STRN4: variants seen among roughly 807,000 people sequenced by gnomAD.
The protein encoded by STRN4 is striatin-4.
In STRN4, 27 loss-of-function variants were observed where a neutral mutation model predicts 77.9. That is an observed-to-expected ratio of 0.35 (90% confidence interval 0.26 to 0.48). The LOEUF is 0.48. Ranked by LOEUF, STRN4 falls within the 20% of genes least tolerant of loss-of-function variation. The probability of loss-of-function intolerance (pLI) is 0.99; values close to 1 mark genes in which losing one functional copy is unlikely to be tolerated. For missense variants in STRN4, 798 were observed against 1,049.7 expected, an observed-to-expected ratio of 0.76 and a Z score of 3.31; for synonymous variants, 466 against 443.1, an observed-to-expected ratio of 1.05 and a Z score of -0.65.
rs71970589 is a variant in STRN4 at position 46,724,249 on chromosome 19, C to CAAAAAAAA, written c.1594+550_1594+557dup. On this transcript the variant is annotated intron_variant, in intron 12 of 17. Coordinates refer to ENST00000263280, the MANE Select transcript of STRN4 (RefSeq NM_013403.3). The stretch of plus-strand genomic sequence containing the variant: ...GGTGACAGAGTGAGACTCTTTGTCT[C>CAAAAAAAA]AAAAAAAAAAAAAAAAAAAAAAAAA... Among the ~76,000 whole-genome samples the CAAAAAAAA allele has an allele frequency of 2.9e-4, 25 of 87,180 alleles. 1 individual carries two copies. The highest frequency in any genetic ancestry group is 6.1e-4 in the African/African-American group (12 of 19,622). 57.2% of individuals were successfully genotyped at this position (87,180 alleles called of 152,430 possible).
Position 46,733,176 on chromosome 19 carries a change from A to G in STRN4, c.600T>C (p.Arg200=). The stretch of plus-strand genomic sequence containing the variant: ...GCTCCAGCGAGCGGCCCAGCAGGGA[A>G]CGGACGCGCTTGGACCGCATGTCGA... ...TILDMRSKRV[R]SLLGRSLELN... is the part of the protein sequence containing the mutation. The change falls in exon 5 of 18, where the codon CGT becomes CGC. Residue 200 remains arginine (R), a synonymous_variant. Transcript: ENST00000263280. This position sits in a 1 kb window ranked among gnomAD's most constrained non-coding sequence, Gnocchi z 4.3. 4 of 1,611,586 alleles carry G rather than the reference A, an allele frequency of 2.5e-6. No individual in the cohort carries two copies. The highest frequency in any genetic ancestry group is 3.4e-6 in the Non-Finnish European group (4 of 1,179,998).
At position 46,730,691 on chromosome 19, in the gene STRN4, C is replaced by T. The variant is rs755893884; in HGVS notation, c.879+41G>A. ...ACTCGGAAGGGCTTCGATCAGGTCA[C>T]ACCCAGGCCAGGCTGTGCAGGGCAT... On this transcript the variant is annotated intron_variant, in intron 6 of 17. Transcript: ENST00000263280. 21 of 1,606,730 alleles carry T rather than the reference C, an allele frequency of 1.3e-5. No homozygotes were observed. In the East Asian group the frequency reaches 4.7e-4, roughly 36 times the overall value.
chr19:46,734,286 C>T (rs1211953347), intron 4 of STRN4, among the ~76,000 whole-genome samples: 1 of 152,198 alleles, frequency 6.6e-6, no homozygotes, highest in African/African-American at 2.4e-5. Flanking sequence ...CAGTGAGGAG[C>T]CAACAGGTGG....
chr19:46,735,509 G>C (rs2054341324), intron 4 of STRN4, among the ~76,000 whole-genome samples: 1 of 151,680 alleles, frequency 6.6e-6, no homozygotes, highest in African/African-American at 2.4e-5. Context: ...AGATAACAGA[G>C]GCAAAAATAC....
At chr19:46,731,888 C>G (rs973477661) in intron 5 of STRN4, 2 of 152,334 alleles carry the variant, frequency 1.3e-5, no homozygotes, top group Non-Finnish European at 2.9e-5. Flanking sequence ...CAAAGAATGC[C>G]CATGTGCTTG....
Position 46,725,392 on chromosome 19 carries a change from AGAG to A in STRN4, c.1425-16_1425-14del. On this transcript the variant is annotated splice_polypyrimidine_tract_variant and intron_variant, in intron 10 of 17. Coordinates refer to ENST00000263280, the MANE Select transcript of STRN4 (RefSeq NM_013403.3). ...TAGCGCCGCATTCCTGTGGGATGAC[AGAG>A]GAGCCTGATGTCACTGAGACCCTGT... 3.1e-6 allele frequency: 5 copies of A among 1,614,110 alleles called. No homozygotes were observed. Among genetic ancestry groups the A allele is most frequent in the Non-Finnish European group, 4.2e-6 (5 of 1,180,036 alleles).
chr19:46,734,519 C>G (rs1440823737), intron 4 of STRN4, among the ~76,000 whole-genome samples: 5 of 152,220 alleles, frequency 3.3e-5, no homozygotes, highest in African/African-American at 1.2e-4. Flanking sequence ...TGACAAAATA[C>G]AAGGAACTGA....
At position 46,723,015 on chromosome 19, in the gene STRN4, G is replaced by A; in HGVS notation, c.1766-65C>T. The A allele has an allele frequency of 1.2e-6, 2 of 1,601,920 alleles. No homozygotes were observed. Among genetic ancestry groups the A allele is most frequent in the South Asian group, 1.1e-5 (1 of 90,644 alleles). On this transcript the variant is annotated intron_variant, in intron 13 of 17. Coordinates refer to ENST00000263280, the MANE Select transcript of STRN4 (RefSeq NM_013403.3). This position sits in a 1 kb window ranked among gnomAD's most constrained non-coding sequence, Gnocchi z 5.5. ...CAGACCCAGCCCTGCCCCAGGGTGG[G>A]GGACAGTGGGTGGGAGGCCTGGGGC...
intron 15 of STRN4, 49 bp from the exon 16 acceptor site, chr19:46,722,121 G>T (rs776241722): frequency 3.1e-6 from 5 of 1,608,040 alleles, no homozygotes; most frequent in Non-Finnish European, 2.5e-6. Flanking sequence ...TCTGGGCCTC[G>T]CCTGAGAGAG....
At chr19:46,724,679 A>G (rs1599862171) in intron 12 of STRN4, 128 bp downstream of exon 12, 1 of 1,393,778 alleles carries the variant, frequency 7.2e-7, no homozygotes, top group Non-Finnish European at 9.9e-7. Context: ...CAGAGCAGAC[A>G]GGGGAGCCGT....
intron 1 of STRN4, among the ~76,000 whole-genome samples, chr19:46,744,461 G>C (rs796873654): frequency 2.6e-4 from 39 of 152,140 alleles, no homozygotes; most frequent in African/African-American, 9.2e-4. Context: ...ATGGCTCACC[G>C]CAGCCTCAAC....
chr19:46,719,521 G>T lies in STRN4; in HGVS notation c.*884C>A, dbSNP rs2053925868. On this transcript the variant is annotated 3_prime_UTR_variant, in exon 18 of 18. Coordinates refer to ENST00000263280, the MANE Select transcript of STRN4 (RefSeq NM_013403.3). ...GCACCGTCACCCATCTTACTCCAAA[G>T]GGTTTATTGAGACAAGTTTTCACAT... 1 of 152,562 alleles carries T rather than the reference G, an allele frequency of 6.6e-6. No individual in the cohort carries two copies. The highest frequency in any genetic ancestry group is 2.4e-5 in the African/African-American group (1 of 41,396). The allele number at this position is 152,562 out of a possible 1,614,324, so 9.5% of individuals were successfully genotyped here. A position where few individuals can be genotyped will look rare whatever the true frequency, so the allele number is the denominator to read the frequency against.
At chr19:46,721,933 G>T in intron 16 of STRN4, 53 bp downstream of exon 16, 3 of 1,601,254 alleles carry the variant, frequency 1.9e-6, no homozygotes, top group Non-Finnish European at 8.5e-7. Context: ...CAGTGCCCAG[G>T]CCTCTTCCTC....
intron 11 of STRN4, 53 bp from the exon 12 acceptor site, chr19:46,724,981 C>T (rs2054073771): frequency 6.2e-7 from 1 of 1,611,036 alleles, no homozygotes; most frequent in Non-Finnish European, 8.5e-7. Flanking sequence ...AGGGCCTCCC[C>T]TGGCCACAGG....
At chr19:46,740,706 G>A (rs373027097) in intron 1 of STRN4, among the ~76,000 whole-genome samples, 1 of 152,132 alleles carries the variant, frequency 6.6e-6, no homozygotes, top group African/African-American at 2.4e-5. Context: ...CACACATCAG[G>A]TGCCCCAGTA....
At chr19:46,725,723 T>C in intron 9 of STRN4, 75 bp from the exon 10 acceptor site, 1 of 1,545,742 alleles carries the variant, frequency 6.5e-7, no homozygotes, top group Non-Finnish European at 8.8e-7. Context: ...ACCCAGGGCT[T>C]GAGGGCCCCT....
In STRN4 at chr19:46,725,965, A is replaced by G. The variant is rs751556593; in HGVS notation, c.1249-317T>C. On this transcript the variant is annotated intron_variant, in intron 9 of 17. Transcript: ENST00000263280. ...CCACAAGTGTGCAGGATCATCAGCCATGAGCAGGGCAATGAATTAAAGATG... is the reference window on the plus strand; with the variant it reads ...CCACAAGTGTGCAGGATCATCAGCCGTGAGCAGGGCAATGAATTAAAGATG... 8.6e-5 allele frequency: 27 copies of G among 314,498 alleles called. 1 individual carries two copies. The highest frequency in any genetic ancestry group is 1.4e-4 in the Non-Finnish European group (24 of 168,280). 19.5% of individuals were successfully genotyped at this position (314,498 alleles called of 1,614,324 possible).
At position 46,725,418 on chromosome 19, in the gene STRN4, T is replaced by C. The variant is rs201910445; in HGVS notation, c.1425-39A>G. 5 of 1,613,904 alleles carry C rather than the reference T, an allele frequency of 3.1e-6. No individual in the cohort carries two copies. The African/African-American group carries it at 6.7e-5, about 22-fold the overall frequency. On this transcript the variant is annotated intron_variant, in intron 10 of 17. Coordinates refer to ENST00000263280, the MANE Select transcript of STRN4 (RefSeq NM_013403.3). ...GAGGAGCCTGATGTCACTGAGACCC[T>C]GTCACCCCCGTCCCCAGATGCCCCT...
rs2054298065 is a variant in STRN4, at chr19:46,733,515, G to GCAAA, written c.540-280_540-279insTTTG. 1 of 423,532 alleles carries GCAAA rather than the reference G, an allele frequency of 2.4e-6. No individual in the cohort carries two copies. Among genetic ancestry groups the GCAAA allele is most frequent in the East Asian group, 4.3e-5 (1 of 23,444 alleles). 26.2% of individuals were successfully genotyped at this position (423,532 alleles called of 1,614,324 possible). A position where few individuals can be genotyped will look rare whatever the true frequency, so the allele number is the denominator to read the frequency against. On this transcript the variant is annotated intron_variant, in intron 4 of 17. Coordinates refer to ENST00000263280, the MANE Select transcript of STRN4 (RefSeq NM_013403.3). This position sits in a 1 kb window ranked among gnomAD's most constrained non-coding sequence, Gnocchi z 4.3. Reference sequence around the variant, plus strand: ...GCCTCAGCACCCACCGACAGGGGCTGTGTCAGCAAATGACTCATAGCGCTG... The same window carrying GCAAA: ...GCCTCAGCACCCACCGACAGGGGCTGCAAATGTCAGCAAATGACTCATAGCGCTG...
Sources: allele counts gnomAD v4.1 joint callset (sites outside exome capture counted in the v4.1 genomes callset), GRCh38; gene constraint gnomAD v4.1.1; non-coding constraint Gnocchi (gnomAD v3.1); transcripts MANE v1.5; gene names NCBI Gene and HGNC (gene_info 2026-07-23, HGNC 2026-07-21).